AGPAT4: variants seen among roughly 807,000 people sequenced by gnomAD.
AGPAT4 encodes the protein 1-acyl-sn-glycerol-3-phosphate acyltransferase delta.
Under a neutral mutation model 48.0 loss-of-function variants are expected in AGPAT4, and 15 were observed. That is an observed-to-expected ratio of 0.31 (90% CI 0.21 to 0.48). The LOEUF (loss-of-function observed/expected upper bound fraction) is 0.48, where lower values mean the gene tolerates loss of function less well. Ranked by LOEUF, AGPAT4 falls within the 20% of genes least tolerant of loss-of-function variation. The probability of loss-of-function intolerance (pLI) is 0.99; values close to 1 mark genes in which losing one functional copy is unlikely to be tolerated. For missense variants in AGPAT4, 314 were observed against 482.5 expected (o/e 0.65, Z 3.27); for synonymous variants, 178 against 198.7 (o/e 0.90, Z 0.88).
Position 161,251,081 on chromosome 6 carries a change from A to G in AGPAT4, c.-89-18779T>C, listed in dbSNP as rs559475065. On this transcript the variant is annotated intron_variant, in intron 1 of 8. Transcript: ENST00000320285. The surrounding 1 kb of genome is among the most constrained non-coding windows in gnomAD (Gnocchi z 4.6). The stretch of plus-strand genomic sequence containing the variant: ...TGAAGTAAGAACTGTAATTTCTTTC[A>G]TAATGTTTAAACTTAGGGCTTCCTT... Among the ~76,000 whole-genome samples, 1 of 152,338 alleles carries G rather than the reference A, an allele frequency of 6.6e-6. No individual in the cohort carries two copies. The highest frequency in any genetic ancestry group is 2.1e-4 in the South Asian group (1 of 4,826).
At chr6:161,241,398 T>C (rs1782485674) in intron 1 of AGPAT4, among the ~76,000 whole-genome samples, 1 of 152,138 alleles carries the variant, frequency 6.6e-6, no homozygotes. Context: ...AACCAAACTC[T>C]GAAGAAACCA....
chr6:161,199,609 C>G (rs576663214), intron 2 of AGPAT4, among the ~76,000 whole-genome samples: 1 of 152,254 alleles, frequency 6.6e-6, no homozygotes, highest in African/African-American at 2.4e-5. Flanking sequence ...AACTGTAATC[C>G]CCAATGTTGG....
In AGPAT4 at chr6:161,264,814, A is replaced by G. The variant is rs1316335941; in HGVS notation, c.-90+9124T>C. ...AGCGAGAAGGGAGAAGCGAGATGGG[A>G]AGATAAAAGGGAGGGACACAGCAGT... On this transcript the variant is annotated intron_variant, in intron 1 of 8. Coordinates refer to ENST00000320285, the MANE Select transcript of AGPAT4 (RefSeq NM_020133.3). The surrounding 1 kb of genome is among the most constrained non-coding windows in gnomAD (Gnocchi z 6.8). Among the ~76,000 whole-genome samples the G allele has an allele frequency of 6.6e-6, 1 of 152,066 alleles. No homozygotes were observed. Among genetic ancestry groups the G allele is most frequent in the African/African-American group, 2.4e-5 (1 of 41,398 alleles).
rs377012817 is a variant in AGPAT4 at position 161,149,133 on chromosome 6, T to C, written c.767+54A>G. ...GAAAGTCTCTAGGTCATTTGTGATGTGTTTACTTTGAAATGGGCACTGTCT... is the reference window on the plus strand; with the variant it reads ...GAAAGTCTCTAGGTCATTTGTGATGCGTTTACTTTGAAATGGGCACTGTCT... On this transcript the variant is annotated intron_variant, in intron 6 of 8. Coordinates refer to ENST00000320285, the MANE Select transcript of AGPAT4 (RefSeq NM_020133.3). The surrounding 1 kb of genome is among the most constrained non-coding windows in gnomAD (Gnocchi z 6.5). The C allele has an allele frequency of 6.3e-7, 1 of 1,588,718 alleles. No homozygotes were observed. Among genetic ancestry groups the C allele is most frequent in the African/African-American group, 1.3e-5 (1 of 74,174 alleles).
intron 2 of AGPAT4, among the ~76,000 whole-genome samples, chr6:161,167,279 G>A (rs1780128956): frequency 6.6e-6 from 1 of 152,198 alleles, no homozygotes; most frequent in Admixed American, 6.5e-5. Context: ...CAGGCTAAGT[G>A]TAGTGGTGTG....
chr6:161,192,142 C>CTTTTTTTTTT (rs573872820), intron 2 of AGPAT4, among the ~76,000 whole-genome samples: 1 of 45,612 alleles, frequency 2.2e-5, no homozygotes, highest in Non-Finnish European at 3.5e-5. Context: ...AGAAGTTATA[C>CTTTTTTTTTT]TTTTTTTTTT....
rs1289163629 is a variant in AGPAT4 at position 161,232,161 on chromosome 6, C to T, written c.53G>A (p.Cys18Tyr). The T allele has an allele frequency of 1.9e-6, 3 of 1,614,006 alleles. No homozygotes were observed. Among genetic ancestry groups the T allele is most frequent in the Non-Finnish European group, 2.5e-6 (3 of 1,180,044 alleles). The change falls in exon 2 of 9, where the codon TGC becomes TAC. Residue 18 changes from cysteine (C) to tyrosine (Y), a missense_variant. By Grantham distance (194) the Cys-to-Tyr change is radical (BLOSUM62 -2). Coordinates refer to ENST00000320285, the MANE Select transcript of AGPAT4 (RefSeq NM_020133.3). The surrounding 1 kb of genome is among the most constrained non-coding windows in gnomAD (Gnocchi z 6.8). ...KSQFLCHLVF[C>Y]YVFIASGLII... ...TAGCCCTGAGGCAATAAAGACGTAG[C>T]AGAAGACCAGGTGGCACAGGAACTG... is the stretch of plus-strand genomic sequence containing the variant.
In AGPAT4 at chr6:161,218,398, G is replaced by A. The variant is rs1193052777; in HGVS notation, c.178+13638C>T. Among the ~76,000 whole-genome samples, 10 of 152,180 alleles carry A rather than the reference G, an allele frequency of 6.6e-5. No homozygotes were observed. Among genetic ancestry groups the A allele is most frequent in the Admixed American group, 3.3e-4 (5 of 15,282 alleles). ...CAGAGCTCCCTTTTAAAACATGCACGACTCCCTCTGCTGGCATGATGGTCT... is the reference window on the plus strand; with the variant it reads ...CAGAGCTCCCTTTTAAAACATGCACAACTCCCTCTGCTGGCATGATGGTCT... On this transcript the variant is annotated intron_variant, in intron 2 of 8. Coordinates refer to ENST00000320285, the MANE Select transcript of AGPAT4 (RefSeq NM_020133.3). This position sits in a 1 kb window ranked among gnomAD's most constrained non-coding sequence, Gnocchi z 4.7.
chr6:161,161,100 G>A lies in AGPAT4; in HGVS notation c.348+5148C>T, dbSNP rs1444763821. The A allele has an allele frequency of 4.4e-6, 2 of 456,732 alleles. No individual in the cohort carries two copies. Among genetic ancestry groups the A allele is most frequent in the Admixed American group, 4.7e-5 (2 of 42,588 alleles). 28.3% of individuals were successfully genotyped at this position (456,732 alleles called of 1,614,324 possible). ...AGGCTGTGACCGTTTGCTGAGGGCT[G>A]CGCACAGAGGAGGAGGAAGCCCCAA... On this transcript the variant is annotated intron_variant, in intron 3 of 8. Coordinates refer to ENST00000320285, the MANE Select transcript of AGPAT4 (RefSeq NM_020133.3). This position sits in a 1 kb window ranked among gnomAD's most constrained non-coding sequence, Gnocchi z 4.6.
rs1358916010 is a variant in AGPAT4, at chr6:161,270,420, A to T, written c.-90+3518T>A. ...ATGATTATTATGATTATATTTCAAA[A>T]TAGGAGTGATGAAAGGCGTTTCACC... On this transcript the variant is annotated intron_variant, in intron 1 of 8. Transcript: ENST00000320285. This position sits in a 1 kb window ranked among gnomAD's most constrained non-coding sequence, Gnocchi z 5.3. Among the ~76,000 whole-genome samples, 1 of 152,202 alleles carries T rather than the reference A, an allele frequency of 6.6e-6. No homozygotes were observed. Among genetic ancestry groups the T allele is most frequent in the Non-Finnish European group, 1.5e-5 (1 of 68,026 alleles).
chr6:161,195,582 A>G lies in AGPAT4; in HGVS notation c.179-29165T>C, dbSNP rs1331663900. 6.6e-6 allele frequency among the ~76,000 whole-genome samples: 1 copy of G among 152,248 alleles called. No homozygotes were observed. The highest frequency in any genetic ancestry group is 1.9e-4 in the East Asian group (1 of 5,192). Reference sequence around the variant, plus strand: ...AGCAAGCCCATGATGCCTGTAGTATAAAAGCAAATGTTGCAGAACTTCATC... The same window carrying G: ...AGCAAGCCCATGATGCCTGTAGTATGAAAGCAAATGTTGCAGAACTTCATC... On this transcript the variant is annotated intron_variant, in intron 2 of 8. Transcript: ENST00000320285. This position sits in a 1 kb window ranked among gnomAD's most constrained non-coding sequence, Gnocchi z 5.0.
In AGPAT4 at chr6:161,225,828, A is replaced by AG. The variant is rs1781965155; in HGVS notation, c.178+6207dup. 6.6e-6 allele frequency among the ~76,000 whole-genome samples: 1 copy of AG among 152,220 alleles called. No individual in the cohort carries two copies. The highest frequency in any genetic ancestry group is 2.1e-4 in the South Asian group (1 of 4,832). ...GGGCCGCTTGCTCAGTCCAGGAGGCAGGGCTTTGCCTTTGGGTTAGAATCT... is the reference window on the plus strand; with the variant it reads ...GGGCCGCTTGCTCAGTCCAGGAGGCAGGGGCTTTGCCTTTGGGTTAGAATCT... On this transcript the variant is annotated intron_variant, in intron 2 of 8. Coordinates refer to ENST00000320285, the MANE Select transcript of AGPAT4 (RefSeq NM_020133.3). The surrounding 1 kb of genome is among the most constrained non-coding windows in gnomAD (Gnocchi z 5.0).
At position 161,177,514 on chromosome 6, in the gene AGPAT4, T is replaced by C. The variant is rs543264642; in HGVS notation, c.179-11097A>G. On this transcript the variant is annotated intron_variant, in intron 2 of 8. Transcript: ENST00000320285. The surrounding 1 kb of genome is among the most constrained non-coding windows in gnomAD (Gnocchi z 5.0). ...CCATCAGGTCATTTAAGGTCTTCTC[T>C]ACGCTGTTTATTCTAGTTAGCCATT... is the stretch of plus-strand genomic sequence containing the variant. Among the ~76,000 whole-genome samples, 7 of 152,324 alleles carry C rather than the reference T, an allele frequency of 4.6e-5. No homozygotes were observed. Among genetic ancestry groups the C allele is most frequent in the Middle Eastern group, 3.4e-3 (1 of 294 alleles).
rs1781268840 is a variant in AGPAT4 at position 161,202,760 on chromosome 6, T to C, written c.178+29276A>G. Among the ~76,000 whole-genome samples, 2 of 152,144 alleles carry C rather than the reference T, an allele frequency of 1.3e-5. No individual in the cohort carries two copies. Among genetic ancestry groups the C allele is most frequent in the Non-Finnish European group, 2.9e-5 (2 of 68,020 alleles). On this transcript the variant is annotated intron_variant, in intron 2 of 8. Coordinates refer to ENST00000320285, the MANE Select transcript of AGPAT4 (RefSeq NM_020133.3). This position sits in a 1 kb window ranked among gnomAD's most constrained non-coding sequence, Gnocchi z 5.4. The stretch of plus-strand genomic sequence containing the variant: ...AGGATAATGTGGCAGAAAAAATGCA[T>C]GACTCTCAAGGCCAGGTCATAACCT...
chr6:161,255,369 G>A lies in AGPAT4; in HGVS notation c.-90+18569C>T, dbSNP rs1396495615. 1.3e-5 allele frequency among the ~76,000 whole-genome samples: 2 copies of A among 152,154 alleles called. No individual in the cohort carries two copies. Among genetic ancestry groups the A allele is most frequent in the Non-Finnish European group, 2.9e-5 (2 of 68,020 alleles). On this transcript the variant is annotated intron_variant, in intron 1 of 8. Transcript: ENST00000320285. This position sits in a 1 kb window ranked among gnomAD's most constrained non-coding sequence, Gnocchi z 4.7. The stretch of plus-strand genomic sequence containing the variant: ...TATGACCCAGAAACTCTACTCCTAG[G>A]AATCTACTCAGGAGAAATGAAAACA...
rs1249493211 is a variant in AGPAT4, at chr6:161,166,078, G to A, written c.348+170C>T. 1.1e-6 allele frequency: 1 copy of A among 870,948 alleles called. No individual in the cohort carries two copies. Among genetic ancestry groups the A allele is most frequent in the East Asian group, 2.7e-5 (1 of 37,598 alleles). The allele number at this position is 870,948 out of a possible 1,614,324, so 54.0% of individuals were successfully genotyped here. A position where few individuals can be genotyped will look rare whatever the true frequency, so the allele number is the denominator to read the frequency against. On this transcript the variant is annotated intron_variant, in intron 3 of 8. Transcript: ENST00000320285. The surrounding 1 kb of genome is among the most constrained non-coding windows in gnomAD (Gnocchi z 6.7). ...CTCTTATGATTGCCCATAAGAAGCT[G>A]TTAAGACTGACTCCCAGCAAGAATA... is the stretch of plus-strand genomic sequence containing the variant.
intron 2 of AGPAT4, among the ~76,000 whole-genome samples, chr6:161,179,081 TG>T (rs1398274787): frequency 6.6e-6 from 1 of 152,192 alleles, no homozygotes; most frequent in Admixed American, 6.5e-5. Context: ...AACCATTGCC[TG>T]TCATTTAACC....
rs1256933259 is a variant in AGPAT4, at chr6:161,196,599, A to T, written c.179-30182T>A. 1.3e-5 allele frequency among the ~76,000 whole-genome samples: 2 copies of T among 151,900 alleles called. No individual in the cohort carries two copies. Among genetic ancestry groups the T allele is most frequent in the Non-Finnish European group, 2.9e-5 (2 of 67,966 alleles). On this transcript the variant is annotated intron_variant, in intron 2 of 8. Coordinates refer to ENST00000320285, the MANE Select transcript of AGPAT4 (RefSeq NM_020133.3). The surrounding 1 kb of genome is among the most constrained non-coding windows in gnomAD (Gnocchi z 4.3). Reference sequence around the variant, plus strand: ...GAGTCAGGCGGATCACTTGAGGTCAAGAGTTCGAGACCAGCCTGGCCAACA... The same window carrying T: ...GAGTCAGGCGGATCACTTGAGGTCATGAGTTCGAGACCAGCCTGGCCAACA...
Position 161,148,075 on chromosome 6 carries a change from G to C in AGPAT4, c.767+1112C>G, listed in dbSNP as rs531886544. Among the ~76,000 whole-genome samples the C allele has an allele frequency of 1.8e-4, 28 of 152,290 alleles. No individual in the cohort carries two copies. The highest frequency in any genetic ancestry group is 6.0e-4 in the African/African-American group (25 of 41,562). ...TGAAATAATCTTGTACACATCTTGG[G>C]GTTTTCCCAAATAACTGAGCCCAGC... On this transcript the variant is annotated intron_variant, in intron 6 of 8. Coordinates refer to ENST00000320285, the MANE Select transcript of AGPAT4 (RefSeq NM_020133.3). This position sits in a 1 kb window ranked among gnomAD's most constrained non-coding sequence, Gnocchi z 5.5.
Sources: gnomAD v4.1 joint callset for allele counts (sites outside exome capture counted in the v4.1 genomes callset) on GRCh38, gnomAD v4.1.1 for gene constraint, Gnocchi (gnomAD v3.1) non-coding constraint, MANE v1.5 for transcripts, NCBI Gene and HGNC (gene_info 2026-07-23, HGNC 2026-07-21) for gene names.